Variants in ROBO2 observed in about 807,000 individuals in gnomAD.
ROBO2 encodes roundabout guidance receptor 2.
ROBO2 carries 53 observed loss-of-function variants against 160.8 expected under a neutral mutation model. The ratio of observed to expected loss-of-function variants is 0.33; its 90% CI spans 0.26 to 0.41. The LOEUF is 0.41. Among genes scored for constraint, ROBO2 ranks in the 10% least tolerant of loss-of-function variants. The probability of loss-of-function intolerance (pLI) is 1.00; values close to 1 mark genes in which losing one functional copy is unlikely to be tolerated. For missense variants in ROBO2, 1,577 were observed against 1,722.4 expected, an observed-to-expected ratio of 0.92 and a Z score of 1.49; for synonymous variants, 664 against 611.7, an observed-to-expected ratio of 1.09 and a Z score of -1.26.
intron 2 of ROBO2, among the ~76,000 whole-genome samples, chr3:76,224,722 T>A (rs7620090): frequency 0.069 from 9,204 of 133,786 alleles, 450 homozygotes; most frequent in East Asian, 0.25. Context: ...ATCCTGAGTA[T>A]CCACAAACTA....
intron 2 of ROBO2, among the ~76,000 whole-genome samples, chr3:77,327,833 T>A (rs541783561): frequency 6.6e-6 from 1 of 152,118 alleles, no homozygotes; most frequent in African/African-American, 2.4e-5. Flanking sequence ...GTCGATCACC[T>A]GAGGTCAGGA....
In ROBO2 at chr3:76,875,607, T is replaced by C. The variant is rs977762420; in HGVS notation, c.110-222407T>C. Among the ~76,000 whole-genome samples the C allele has an allele frequency of 2.0e-5, 3 of 152,218 alleles. No individual in the cohort carries two copies. The South Asian group carries it at 6.2e-4, about 32-fold the overall frequency. On this transcript the variant is annotated intron_variant, in intron 2 of 26. Transcript: ENST00000487694. ...CCTGCTTCCTTTGGCTGATAGCCAC[T>C]TTACTCTGAACTCTATCATACTTCC...
At chr3:77,185,804 C>CATAT (rs1481010091) in intron 2 of ROBO2, among the ~76,000 whole-genome samples, 1 of 121,052 alleles carries the variant, frequency 8.3e-6, no homozygotes, top group Non-Finnish European at 1.9e-5. Context: ...CTGTGATACA[C>CATAT]ACATATATAT....
chr3:76,174,687 A>G (rs2073163930), intron 2 of ROBO2, among the ~76,000 whole-genome samples: 1 of 152,060 alleles, frequency 6.6e-6, no homozygotes, highest in East Asian at 1.9e-4. Context: ...GTGTGGTGTT[A>G]TTTCTGAGGC....
chr3:77,021,804 C>G (rs2062654121), intron 2 of ROBO2, among the ~76,000 whole-genome samples: 1 of 152,078 alleles, frequency 6.6e-6, no homozygotes, highest in Admixed American at 6.5e-5. Flanking sequence ...ATGAATTTAG[C>G]CCCCTTCCTC....
At chr3:76,676,683 A>G (rs577325965) in intron 2 of ROBO2, among the ~76,000 whole-genome samples, 37 of 151,034 alleles carry the variant, frequency 2.4e-4, no homozygotes, top group Admixed American at 1.3e-3. Flanking sequence ...CCATGCCCCA[A>G]GTGTTCTGCT....
intron 2 of ROBO2, among the ~76,000 whole-genome samples, chr3:76,430,158 A>G (rs1419927293): frequency 6.6e-6 from 1 of 152,164 alleles, no homozygotes; most frequent in African/African-American, 2.4e-5. Flanking sequence ...ATAAACAGTA[A>G]TTCAAAACCC....
rs190339848 is a variant in ROBO2 at position 76,831,475 on chromosome 3, A to G, written c.110-266539A>G. 8.9e-4 allele frequency among the ~76,000 whole-genome samples: 135 copies of G among 152,298 alleles called. No individual in the cohort carries two copies. The Middle Eastern group carries it at 0.024, about 27-fold the overall frequency. On this transcript the variant is annotated intron_variant, in intron 2 of 26. Transcript: ENST00000487694. ...TTTGTATAGGGTTATATTTTGAGGC[A>G]TAAAATTACTTAAAGTGTGTCTTCT...
chr3:76,552,623 G>A (rs1241028108), intron 2 of ROBO2, among the ~76,000 whole-genome samples: 2 of 152,146 alleles, frequency 1.3e-5, no homozygotes, highest in Non-Finnish European at 2.9e-5. Context: ...CTGAGGAAGG[G>A]AAAACATTTG....
chr3:77,119,730 G>A (rs539631069), intron 2 of ROBO2, among the ~76,000 whole-genome samples: 4 of 152,252 alleles, frequency 2.6e-5, no homozygotes, highest in East Asian at 3.9e-4. Context: ...TGCTGTGTGA[G>A]TTTTTTGGTA....
At chr3:77,004,013 A>G (rs1180087466) in intron 2 of ROBO2, among the ~76,000 whole-genome samples, 2 of 152,170 alleles carry the variant, frequency 1.3e-5, no homozygotes, top group Admixed American at 6.6e-5. Context: ...ATGTTTTTAT[A>G]CAGAAATGTA....
At chr3:76,364,786 G>T (rs1022121209) in intron 2 of ROBO2, among the ~76,000 whole-genome samples, 1 of 151,982 alleles carries the variant, frequency 6.6e-6, no homozygotes, top group Non-Finnish European at 1.5e-5. Context: ...CATGTAGGCT[G>T]CTGATCTTAA....
chr3:76,814,442 G>C (rs528212566), intron 2 of ROBO2, among the ~76,000 whole-genome samples: 1 of 152,228 alleles, frequency 6.6e-6, no homozygotes, highest in Non-Finnish European at 1.5e-5. Flanking sequence ...AGCAAATATA[G>C]TGCGTGCCAA....
intron 2 of ROBO2, among the ~76,000 whole-genome samples, chr3:76,672,172 C>T (rs866181508): frequency 3.3e-5 from 5 of 152,066 alleles, no homozygotes; most frequent in African/African-American, 1.2e-4. Context: ...GCCATCACTA[C>T]GCTGTGGACT....
At chr3:77,246,345 G>GTGTA (rs1336973631) in intron 2 of ROBO2, among the ~76,000 whole-genome samples, 1 of 151,760 alleles carries the variant, frequency 6.6e-6, no homozygotes, top group Non-Finnish European at 1.5e-5. Context: ...GTGTGTGTGT[G>GTGTA]TGTGTGTGTG....
intron 2 of ROBO2, among the ~76,000 whole-genome samples, chr3:76,830,616 G>C (rs2066995981): frequency 6.6e-6 from 1 of 151,872 alleles, no homozygotes; most frequent in African/African-American, 2.4e-5. Flanking sequence ...TCTCCTCTAT[G>C]ACTTTCCACA....
chr3:75,956,056 T>G (rs1317159018), intron 2 of ROBO2, among the ~76,000 whole-genome samples: 1 of 151,818 alleles, frequency 6.6e-6, no homozygotes, highest in East Asian at 1.9e-4. Context: ...ATTCAGTGCT[T>G]TACATCACTG....
rs2094121784 is a variant in ROBO2, at chr3:77,589,033, T to G, written c.2683+100T>G. ...GAATAACAAATGAGTGATTTGGGCT[T>G]ATTTTAGAAACCTGCACTGTAAAAT... On this transcript the variant is annotated intron_variant, in intron 17 of 25. Coordinates refer to ENST00000461745, the Ensembl canonical transcript of ROBO2. 12 of 1,392,614 alleles carry G rather than the reference T, an allele frequency of 8.6e-6. 1 individual carries two copies. In the South Asian group the frequency reaches 1.4e-4, roughly 16 times the overall value. 86.3% of individuals were successfully genotyped at this position (1,392,614 alleles called of 1,614,324 possible). A position where few individuals can be genotyped will look rare whatever the true frequency, so the allele number is the denominator to read the frequency against.
At chr3:77,486,430 G>A (rs898263733) in intron 4 of ROBO2, among the ~76,000 whole-genome samples, 6 of 152,114 alleles carry the variant, frequency 3.9e-5, no homozygotes. Context: ...AGCATCTGTT[G>A]TTACTTGACT....
Sources: allele counts gnomAD v4.1 joint callset (sites outside exome capture counted in the v4.1 genomes callset), GRCh38; gene constraint gnomAD v4.1.1; transcripts MANE v1.5; gene names NCBI Gene and HGNC (gene_info 2026-07-23, HGNC 2026-07-21).